PIP5K1B: variants seen among roughly 807,000 people sequenced by gnomAD.
PIP5K1B encodes phosphatidylinositol 4-phosphate 5-kinase type-1 beta.
Under a neutral mutation model 67.0 loss-of-function variants are expected in PIP5K1B, and 42 were observed. The ratio of observed to expected loss-of-function variants is 0.63; its 90% CI spans 0.49 to 0.81. The LOEUF (loss-of-function observed/expected upper bound fraction) is 0.81. Among genes scored for constraint, PIP5K1B ranks in the 30% least tolerant of loss-of-function variants. The probability of loss-of-function intolerance (pLI) is 0.00; values close to 1 mark genes in which losing one functional copy is unlikely to be tolerated. For missense variants in PIP5K1B, 459 were observed against 646.3 expected (o/e 0.71, Z 3.14); for synonymous variants, 214 against 231.4 (o/e 0.92, Z 0.68).
intron 2 of PIP5K1B, among the ~76,000 whole-genome samples, chr9:68,792,430 T>C (rs536944827): frequency 1.3e-5 from 2 of 151,856 alleles, no homozygotes; most frequent in South Asian, 4.2e-4. Flanking sequence ...CAAGCATTTA[T>C]TCAGCATTTA....
At chr9:68,798,664 A>G (rs953339155) in intron 2 of PIP5K1B, among the ~76,000 whole-genome samples, 7 of 152,184 alleles carry the variant, frequency 4.6e-5, no homozygotes, top group Non-Finnish European at 7.3e-5. Context: ...GCAACAGACC[A>G]CACGGGGTCT....
intron 4 of PIP5K1B, among the ~76,000 whole-genome samples, chr9:68,851,490 C>T (rs1037187578): frequency 1.3e-5 from 2 of 152,148 alleles, no homozygotes; most frequent in East Asian, 1.9e-4. Flanking sequence ...TCAGAAATGT[C>T]GTTGCCAATC....
chr9:68,969,998 T>TA (rs72072585), intron 14 of PIP5K1B, among the ~76,000 whole-genome samples: 1 of 151,900 alleles, frequency 6.6e-6, no homozygotes, highest in Non-Finnish European at 1.5e-5. Flanking sequence ...ATTTTTTCAT[T>TA]AAAAAAATAG....
At chr9:68,878,064 C>A (rs973826361) in intron 6 of PIP5K1B, among the ~76,000 whole-genome samples, 2 of 137,946 alleles carry the variant, frequency 1.4e-5, no homozygotes, top group Admixed American at 8.0e-5. Context: ...TTAGAGAACA[C>A]CCTTTGGTTT....
intron 8 of PIP5K1B, among the ~76,000 whole-genome samples, chr9:68,901,604 A>G (rs1825356076): frequency 6.6e-6 from 1 of 152,236 alleles, no homozygotes; most frequent in African/African-American, 2.4e-5. Flanking sequence ...CTGTAAACCC[A>G]TGAGATATTT....
intron 1 of PIP5K1B, among the ~76,000 whole-genome samples, chr9:68,717,674 C>T (rs1312019119): frequency 1.3e-5 from 2 of 152,116 alleles, no homozygotes; most frequent in Non-Finnish European, 2.9e-5. Context: ...GACCTAATCA[C>T]CTCCTAATAC....
intron 14 of PIP5K1B, chr9:68,940,991 A>T: frequency 1.5e-6 from 1 of 669,454 alleles, no homozygotes; most frequent in South Asian, 1.5e-5. Context: ...TTTTCTTTAC[A>T]GTTGATCATT....
intron 4 of PIP5K1B, among the ~76,000 whole-genome samples, chr9:68,830,342 A>G (rs1834243548): frequency 6.6e-6 from 1 of 152,174 alleles, no homozygotes; most frequent in Non-Finnish European, 1.5e-5. Flanking sequence ...GTACTAAAGC[A>G]GGTGATTGCA....
At chr9:68,791,093 C>G (rs2132497604) in intron 2 of PIP5K1B, among the ~76,000 whole-genome samples, 1 of 152,236 alleles carries the variant, frequency 6.6e-6, no homozygotes, top group African/African-American at 2.4e-5. Flanking sequence ...CAGTGGTCCC[C>G]CAAACCAAAC....
intron 14 of PIP5K1B, among the ~76,000 whole-genome samples, chr9:68,961,518 C>T (rs10869610): frequency 0.27 from 41,727 of 152,066 alleles, 6,621 homozygotes; most frequent in East Asian, 0.52. Flanking sequence ...GTTCAAAGTG[C>T]GTGGCTGGGG....
At chr9:68,914,084 T>TA (rs1335047206) in intron 8 of PIP5K1B, among the ~76,000 whole-genome samples, 1 of 152,162 alleles carries the variant, frequency 6.6e-6, no homozygotes, top group Non-Finnish European at 1.5e-5. Flanking sequence ...ATTTCATTTT[T>TA]AAAAAAATCT....
intron 2 of PIP5K1B, among the ~76,000 whole-genome samples, chr9:68,791,960 G>C (rs984418846): frequency 6.6e-6 from 1 of 152,162 alleles, no homozygotes. Context: ...TGTGTCCTCT[G>C]CTTAAAATGG....
intron 5 of PIP5K1B, 58 bp from the exon 6 acceptor site, chr9:68,876,619 A>G (rs993958024): frequency 5.2e-6 from 5 of 968,858 alleles, no homozygotes; most frequent in Middle Eastern, 2.1e-4. Context: ...TTTGCGGTCA[A>G]AATTGTCCTT....
At chr9:68,773,799 T>C (rs1347235007) in intron 2 of PIP5K1B, among the ~76,000 whole-genome samples, 2 of 152,226 alleles carry the variant, frequency 1.3e-5, no homozygotes, top group Admixed American at 1.3e-4. Flanking sequence ...TTAAGGTAGA[T>C]AACATAGAGG....
intron 6 of PIP5K1B, among the ~76,000 whole-genome samples, chr9:68,888,142 C>G (rs775296643): frequency 2.6e-5 from 4 of 152,160 alleles, no homozygotes; most frequent in Non-Finnish European, 5.9e-5. Flanking sequence ...CCACGCCCGG[C>G]CAATTTTTTG....
At chr9:68,708,753 G>C (rs1235494590) in intron 1 of PIP5K1B, among the ~76,000 whole-genome samples, 4 of 152,094 alleles carry the variant, frequency 2.6e-5, no homozygotes, top group Non-Finnish European at 5.9e-5. Context: ...CCTAGTTTCT[G>C]TTCCTTTTAA....
In PIP5K1B at chr9:68,750,204, T is replaced by C. The variant is rs1485169065; in HGVS notation, c.-86+7547T>C. Among the ~76,000 whole-genome samples the C allele has an allele frequency of 3.9e-5, 6 of 152,222 alleles. 1 individual carries two copies. The highest frequency in any genetic ancestry group is 3.9e-4 in the Admixed American group (6 of 15,278). ...TAGAACTAATGGCCATTGAAAACAT[T>C]TTCCAAACAGTAACTTCTGTTGTAA... On this transcript the variant is annotated intron_variant, in intron 2 of 15. Transcript: ENST00000265382.
chr9:68,833,496 AGACATTAGACAGTGC>A (rs1311265462), intron 4 of PIP5K1B, among the ~76,000 whole-genome samples: 20 of 152,216 alleles, frequency 1.3e-4, no homozygotes, highest in African/African-American at 4.6e-4. Context: ...GTCCCCCAGG[AGACATTAGACAGTGC>A]TGTCAGAACT....
intron 1 of PIP5K1B, among the ~76,000 whole-genome samples, chr9:68,722,979 C>G (rs1300982529): frequency 6.6e-6 from 1 of 152,172 alleles, no homozygotes; most frequent in Admixed American, 6.6e-5. Context: ...CCTCTCATAA[C>G]TATCATTTTA....
Sources: allele counts gnomAD v4.1 joint callset (sites outside exome capture counted in the v4.1 genomes callset), GRCh38; gene constraint gnomAD v4.1.1; transcripts MANE v1.5; gene names NCBI Gene and HGNC (gene_info 2026-07-23, HGNC 2026-07-21).